The following POLQ variants were observed in gnomAD, a reference collection of about 807,000 sequenced individuals.
POLQ encodes DNA polymerase theta.
In POLQ, 233 loss-of-function variants were observed where a neutral mutation model predicts 259.2. The ratio of observed to expected loss-of-function variants is 0.90; its 90% CI spans 0.81 to 1.00. The LOEUF (loss-of-function observed/expected upper bound fraction) is 1.00, where lower values mean the gene tolerates loss of function less well. Ranked by LOEUF, POLQ falls within the 50% of genes least tolerant of loss-of-function variation. The probability of loss-of-function intolerance (pLI) is 0.00; values close to 1 mark genes in which losing one functional copy is unlikely to be tolerated. For missense variants in POLQ, 2,871 were observed against 3,051.6 expected (o/e 0.94, Z 1.39); for synonymous variants, 1,025 against 1,048.8 (o/e 0.98, Z 0.44).
chr3:121,477,407 C>T (rs950561358), intron 19 of POLQ, among the ~76,000 whole-genome samples: 6 of 152,092 alleles, frequency 3.9e-5, no homozygotes, highest in African/African-American at 1.4e-4. Context: ...ATGAATTCTA[C>T]ATTTAGACTT....
chr3:121,493,551 T>C lies in POLQ; in HGVS notation c.2449A>G (p.Thr817Ala), dbSNP rs2048088813. Reference protein sequence around the residue: ...ARVLYASGFHTVADLARANIV... With the variant: ...ARVLYASGFHAVADLARANIV... Reference sequence around the variant, plus strand: ...TTTGCTCTAGCAAGGTCTGCCACAGTATGAAAGCCAGAAGCATAGAGAACC... The same window carrying C: ...TTTGCTCTAGCAAGGTCTGCCACAGCATGAAAGCCAGAAGCATAGAGAACC... Residue 817 changes from threonine (T) to alanine (A), a missense_variant, in exon 15 of 30, where the codon ACT (threonine) becomes GCT (alanine). Transcript: ENST00000264233. 1 of 1,613,816 alleles carries C rather than the reference T, an allele frequency of 6.2e-7. No individual in the cohort carries two copies. The highest frequency in any genetic ancestry group is 8.5e-7 in the Non-Finnish European group (1 of 1,179,818).
chr3:121,434,465 T>C (rs1430360223), intron 28 of POLQ, among the ~76,000 whole-genome samples: 2 of 152,204 alleles, frequency 1.3e-5, no homozygotes, highest in African/African-American at 4.8e-5. Flanking sequence ...CTTTTACTTC[T>C]AAATCCCCAA....
rs770413168 is a variant in POLQ, at chr3:121,511,934, G to A, written c.1564C>T (p.Arg522Ter). ...LKPVRSCLQRREGEEVTGSMI... is the reference protein window; with the variant it reads ...LKPVRSCLQR ...CTGCCAGTTACTTCTTCTCCTTCTC[G>A]TCTTTGCAGACAGCTGCGAACAGGC... Residue 522 changes from arginine to a stop codon, truncating the protein, a stop_gained, in exon 10 of 30, where the codon CGA becomes TGA. Coordinates refer to ENST00000264233, the MANE Select transcript of POLQ (RefSeq NM_199420.4). LOFTEE classifies it high-confidence loss of function. 3.8e-5 allele frequency: 61 copies of A among 1,613,660 alleles called. No individual in the cohort carries two copies. Among genetic ancestry groups the A allele is most frequent in the Non-Finnish European group, 5.0e-5 (59 of 1,179,808 alleles).
chr3:121,501,404 A>AAT (rs2048166485), intron 12 of POLQ, among the ~76,000 whole-genome samples: 1 of 151,788 alleles, frequency 6.6e-6, no homozygotes. Context: ...TCACGCCTGT[A>AAT]ATCCCAGCAC....
At chr3:121,453,998 A>T (rs1262665377) in intron 25 of POLQ, among the ~76,000 whole-genome samples, 2 of 152,252 alleles carry the variant, frequency 1.3e-5, no homozygotes, top group Non-Finnish European at 2.9e-5. Context: ...CGGGTTACCC[A>T]CAAAGGGAAG....
At position 121,450,355 on chromosome 3, in the gene POLQ, G is replaced by A. The variant is rs187506823; in HGVS notation, c.7153-929C>T. On this transcript the variant is annotated intron_variant, in intron 25 of 29. Transcript: ENST00000264233. The stretch of plus-strand genomic sequence containing the variant: ...CCCAAGTTTTCTATTTTATTTTTTC[G>A]CTTTTTTATTATTTATTTATTTTTT... Among the ~76,000 whole-genome samples, 612 of 150,668 alleles carry A rather than the reference G, an allele frequency of 4.1e-3. 1 individual carries two copies. Among genetic ancestry groups the A allele is most frequent in the African/African-American group, 0.014 (561 of 40,888 alleles).
chr3:121,475,344 C>A (rs1401266850), intron 20 of POLQ, among the ~76,000 whole-genome samples: 1 of 152,112 alleles, frequency 6.6e-6, no homozygotes, highest in Non-Finnish European at 1.5e-5. Flanking sequence ...GCTTATTTCA[C>A]TTAGCATAAC....
At chr3:121,452,139 C>T (rs768965599) in intron 25 of POLQ, among the ~76,000 whole-genome samples, 61 of 152,280 alleles carry the variant, frequency 4.0e-4, no homozygotes, top group African/African-American at 1.3e-3. Flanking sequence ...CTTGGAAAAG[C>T]GCAGTATTAG....
intron 6 of POLQ, among the ~76,000 whole-genome samples, chr3:121,531,726 G>A (rs185390672): frequency 1.3e-5 from 2 of 152,248 alleles, no homozygotes; most frequent in African/African-American, 4.8e-5. Context: ...GGTTCAAAAG[G>A]GTGGAGGCAC....
intron 28 of POLQ, among the ~76,000 whole-genome samples, chr3:121,433,361 G>A (rs904882216): frequency 3.3e-5 from 5 of 152,268 alleles, no homozygotes; most frequent in Middle Eastern, 3.4e-3. Flanking sequence ...CACCATCTGA[G>A]TAATAGCACC....
chr3:121,447,063 T>C (rs2047637663), intron 26 of POLQ, among the ~76,000 whole-genome samples: 1 of 28,406 alleles, frequency 3.5e-5, no homozygotes, highest in Admixed American at 4.9e-4. Flanking sequence ...ATAAAGGTGA[T>C]TTTTTCTGGT....
intron 24 of POLQ, among the ~76,000 whole-genome samples, chr3:121,466,745 G>A (rs978928861): frequency 6.6e-6 from 1 of 151,802 alleles, no homozygotes; most frequent in African/African-American, 2.4e-5. Flanking sequence ...GGACTCCCTT[G>A]GATAACTTTG....
chr3:121,541,233 G>T, intron 3 of POLQ, 116 bp downstream of exon 3: 1 of 911,142 alleles, frequency 1.1e-6, no homozygotes, highest in Non-Finnish European at 1.7e-6. Context: ...AGCTACATAG[G>T]GCACAATGAA....
At position 121,490,271 on chromosome 3, in the gene POLQ, A is replaced by G; in HGVS notation, c.2660T>C (p.Leu887Pro). 1 of 1,614,206 alleles carries G rather than the reference A, an allele frequency of 6.2e-7. No individual in the cohort carries two copies. Among genetic ancestry groups the G allele is most frequent in the Non-Finnish European group, 8.5e-7 (1 of 1,180,018 alleles). Residue 887 changes from leucine (L) to proline (P), a missense_variant, in exon 16 of 30, where the codon CTG becomes CCG. Around this residue, in one of 3 missense-constraint regions of POLQ, gnomAD observed 2,080 missense variants for 2,126.0 expected, o/e 0.98. Transcript: ENST00000264233. ...ALIVEEARMI[L>P]QQDLVEMGVQ... ...TCCCATTTCAACTAAGTCCTGCTGC[A>G]GAATCATTCTGGCTTCTTCCACTAT...
chr3:121,481,670 C>CT lies in POLQ; in HGVS notation c.6112dup (p.Ser2038LysfsTer2). 1 of 1,614,110 alleles carries CT rather than the reference C, an allele frequency of 6.2e-7. No homozygotes were observed. ...TGCTCTGTATCGCCCAGAATGCTCA[C>CT]TGCCAGCATTTAGCCCCAGGCTTTG... On this transcript the variant is annotated frameshift_variant, in exon 19 of 30. Coordinates refer to ENST00000264233, the MANE Select transcript of POLQ (RefSeq NM_199420.4). LOFTEE classifies it high-confidence loss of function.
chr3:121,452,678 T>A (rs1163482867), intron 25 of POLQ, among the ~76,000 whole-genome samples: 1 of 150,964 alleles, frequency 6.6e-6, no homozygotes, highest in African/African-American at 2.4e-5. Context: ...GGATAGGAAG[T>A]CGGGTGCCCA....
chr3:121,490,775 C>T (rs942492549), intron 15 of POLQ, among the ~76,000 whole-genome samples: 3 of 152,136 alleles, frequency 2.0e-5, no homozygotes, highest in African/African-American at 7.2e-5. Flanking sequence ...AACATCCGGC[C>T]GGGCGCGGTA....
intron 25 of POLQ, among the ~76,000 whole-genome samples, chr3:121,452,650 C>G (rs976673574): frequency 2.6e-5 from 4 of 152,056 alleles, no homozygotes; most frequent in Admixed American, 1.3e-4. Flanking sequence ...GCAGTTGTCT[C>G]CGGCGGATAA....
Position 121,449,364 on chromosome 3 carries a change from T to C in POLQ, c.7215A>G (p.Lys2405=), listed in dbSNP as rs2047654996. 1 of 1,608,122 alleles carries C rather than the reference T, an allele frequency of 6.2e-7. No homozygotes were observed. Among genetic ancestry groups the C allele is most frequent in the Non-Finnish European group, 8.5e-7 (1 of 1,174,590 alleles). ...AKSLGEQMGI[K]ENDAACYIDS... ...CAATATAGCATGCAGCATCATTTTC[T>C]TTAATGCCCATCTGCTCTCCCAAAG... The change falls in exon 26 of 30, where the codon AAA becomes AAG. Residue 2405 remains lysine, a synonymous_variant. Transcript: ENST00000264233.
Sources: gnomAD v4.1 joint callset for allele counts (sites outside exome capture counted in the v4.1 genomes callset) on GRCh38, gnomAD v4.1.1 for gene constraint, gnomAD v4.1.1 regional missense constraint, MANE v1.5 for transcripts, NCBI Gene and HGNC (gene_info 2026-07-23, HGNC 2026-07-21) for gene names.